LRBA: variants seen among roughly 807,000 people sequenced by gnomAD.
LRBA encodes the protein lipopolysaccharide-responsive and beige-like anchor protein.
Under a neutral mutation model 330.0 loss-of-function variants are expected in LRBA, and 176 were observed. The ratio of observed to expected loss-of-function variants is 0.53; its 90% CI spans 0.47 to 0.60. The LOEUF is 0.60. Among genes scored for constraint, LRBA ranks in the 20% least tolerant of loss-of-function variants. The pLI is 0.00. For synonymous variants in LRBA, 1,230 were observed against 1,193.0 expected (o/e 1.03, Z -0.64); for missense variants, 3,259 against 3,444.8 (o/e 0.95, Z 1.35).
rs551264655 is a variant in LRBA at position 150,954,055 on chromosome 4, C to T, written c.217-24990G>A. Among the ~76,000 whole-genome samples the T allele has an allele frequency of 2.4e-3, 355 of 149,674 alleles. 2 individuals are homozygous for T. The highest frequency in any genetic ancestry group is 4.1e-3 in the Non-Finnish European group (274 of 67,232). ...GAGCCTCTCCGCCCGGCAGCCACCC[C>T]GTCTGGGAAGTGAGAAGCCCCTCCA... On this transcript the variant is annotated intron_variant, in intron 2 of 56. Transcript: ENST00000651943.
rs571324183 is a variant in LRBA, at chr4:150,655,614, G to A, written c.5921+27937C>T. 8.9e-4 allele frequency among the ~76,000 whole-genome samples: 135 copies of A among 152,302 alleles called. 1 individual carries two copies. Among genetic ancestry groups the A allele is most frequent in the African/African-American group, 2.9e-3 (122 of 41,580 alleles). Reference sequence around the variant, plus strand: ...GCAATCCACTCAATGGGCATTGACTGAAAAACTGACACTTGGCAAACCAAA... The same window carrying A: ...GCAATCCACTCAATGGGCATTGACTAAAAAACTGACACTTGGCAAACCAAA... On this transcript the variant is annotated intron_variant, in intron 37 of 56. Coordinates refer to ENST00000651943, the MANE Select transcript of LRBA (RefSeq NM_001364905.1).
At chr4:150,950,325 T>A (rs1223502265) in intron 2 of LRBA, among the ~76,000 whole-genome samples, 1 of 152,174 alleles carries the variant, frequency 6.6e-6, no homozygotes, top group Non-Finnish European at 1.5e-5. Flanking sequence ...GTCATGAATT[T>A]CATATTCAAA....
intron 37 of LRBA, among the ~76,000 whole-genome samples, chr4:150,642,926 T>C (rs1778816337): frequency 6.6e-6 from 1 of 151,900 alleles, no homozygotes; most frequent in African/African-American, 2.4e-5. Context: ...AATGTTATAT[T>C]CGCATCATTA....
chr4:150,929,874 C>G (rs867705440), intron 2 of LRBA, among the ~76,000 whole-genome samples: 66 of 152,036 alleles, frequency 4.3e-4, no homozygotes, highest in Non-Finnish European at 2.4e-4. Context: ...ATAATGCTAT[C>G]AACTAGATTT....
At chr4:150,803,022 C>CAA (rs746026878) in intron 33 of LRBA, among the ~76,000 whole-genome samples, 14 of 34,770 alleles carry the variant, frequency 4.0e-4, no homozygotes, top group Non-Finnish European at 5.1e-4. Context: ...ACTCTGTCTC[C>CAA]AAAAAAAAAA....
chr4:150,785,790 A>G (rs185565681), intron 34 of LRBA, among the ~76,000 whole-genome samples: 27 of 152,366 alleles, frequency 1.8e-4, no homozygotes, highest in Non-Finnish European at 2.9e-4. Context: ...AACAGGAGGT[A>G]CGTTGAAAGT....
Position 150,661,280 on chromosome 4 carries a change from G to A in LRBA, c.5921+22271C>T, listed in dbSNP as rs143260478. 9.3e-3 allele frequency among the ~76,000 whole-genome samples: 1,415 copies of A among 151,352 alleles called. 11 individuals are homozygous for A. The highest frequency in any genetic ancestry group is 0.015 in the Non-Finnish European group (1,041 of 67,830). ...GAGGTCAGGAGTTCATGACCAGCCC[G>A]GGCAACATGGTAAGACCCCATCTCT... On this transcript the variant is annotated intron_variant, in intron 37 of 56. Transcript: ENST00000651943.
rs907741079 is a variant in LRBA at position 150,583,216 on chromosome 4, T to A, written c.6330+4832A>T. 1 of 1,614,214 alleles carries A rather than the reference T, an allele frequency of 6.2e-7. No homozygotes were observed. Among genetic ancestry groups the A allele is most frequent in the South Asian group, 1.1e-5 (1 of 91,086 alleles). ...CTCCTTGAGCGAGATCGATGCCCGCTACGAGGGGCTCGAGGTCATTTCGCC... is the reference window on the plus strand; with the variant it reads ...CTCCTTGAGCGAGATCGATGCCCGCAACGAGGGGCTCGAGGTCATTTCGCC... On this transcript the variant is annotated intron_variant, in intron 40 of 56. Transcript: ENST00000651943. This position sits in a 1 kb window ranked among gnomAD's most constrained non-coding sequence, Gnocchi z 9.8.
intron 40 of LRBA, among the ~76,000 whole-genome samples, chr4:150,553,363 T>A (rs1317001549): frequency 6.6e-6 from 1 of 151,922 alleles, no homozygotes; most frequent in Admixed American, 6.6e-5. Context: ...ATATACCTAA[T>A]GTAAATGACG....
At chr4:150,503,686 TCTC>T (rs970892511) in intron 40 of LRBA, among the ~76,000 whole-genome samples, 1 of 151,898 alleles carries the variant, frequency 6.6e-6, no homozygotes, top group Non-Finnish European at 1.5e-5. Flanking sequence ...TCAGAGCACC[TCTC>T]CTCCTCCATA....
rs115633380 is a variant in LRBA at position 150,417,895 on chromosome 4, T to C, written c.7042-2305A>G. ...ATCCTTCTAATATATAGTGTCAAAATATTATGATTTTGTATATTTGTCTGT... is the reference window on the plus strand; with the variant it reads ...ATCCTTCTAATATATAGTGTCAAAACATTATGATTTTGTATATTTGTCTGT... On this transcript the variant is annotated intron_variant, in intron 46 of 56. Transcript: ENST00000651943. Among the ~76,000 whole-genome samples, 645 of 152,272 alleles carry C rather than the reference T, an allele frequency of 4.2e-3. 3 individuals are homozygous for C. The highest frequency in any genetic ancestry group is 0.015 in the African/African-American group (615 of 41,558).
intron 36 of LRBA, among the ~76,000 whole-genome samples, chr4:150,711,088 GA>G (rs1324439637): frequency 1.3e-5 from 2 of 151,422 alleles, no homozygotes; most frequent in African/African-American, 2.4e-5. Flanking sequence ...GAACCCCAAT[GA>G]AAAAAAATTG....
chr4:150,786,018 A>C (rs1344947477), intron 34 of LRBA, among the ~76,000 whole-genome samples: 2 of 152,296 alleles, frequency 1.3e-5, no homozygotes, highest in East Asian at 3.9e-4. Context: ...ATCCTTGTCT[A>C]CATGGAAATG....
In LRBA at chr4:150,467,801, G is replaced by A; in HGVS notation, c.6668-16C>T. ...TAACTCCGTCCTGATAGGGAAAAAA[G>A]TTACTCGTAATTTATAATTTTAAAA... On this transcript the variant is annotated splice_polypyrimidine_tract_variant and intron_variant, in intron 43 of 56. Coordinates refer to ENST00000651943, the MANE Select transcript of LRBA (RefSeq NM_001364905.1). The A allele has an allele frequency of 8.8e-7, 1 of 1,141,934 alleles. No homozygotes were observed. The highest frequency in any genetic ancestry group is 1.3e-6 in the Non-Finnish European group (1 of 779,286). The allele number at this position is 1,141,934 out of a possible 1,614,324, so 70.7% of individuals were successfully genotyped here. A position where few individuals can be genotyped will look rare whatever the true frequency, so the allele number is the denominator to read the frequency against.
intron 37 of LRBA, among the ~76,000 whole-genome samples, chr4:150,661,641 C>T (rs890047996): frequency 5.3e-5 from 8 of 151,894 alleles, no homozygotes; most frequent in Admixed American, 3.3e-4. Flanking sequence ...GACTGAGTCT[C>T]ACTCTATCGC....
At chr4:150,349,853 A>C in intron 48 of LRBA, 139 bp downstream of exon 48, 2 of 672,996 alleles carry the variant, frequency 3.0e-6, no homozygotes, top group Non-Finnish European at 4.8e-6. Flanking sequence ...GTCACTGATA[A>C]ATTATTCTGC....
At chr4:150,306,248 C>G (rs1459137083) in intron 52 of LRBA, among the ~76,000 whole-genome samples, 1 of 152,046 alleles carries the variant, frequency 6.6e-6, no homozygotes, top group Non-Finnish European at 1.5e-5. Context: ...CATGTTTCTC[C>G]TCCCTCCTCC....
chr4:150,969,316 A>G (rs988267351), intron 2 of LRBA, among the ~76,000 whole-genome samples: 2 of 152,254 alleles, frequency 1.3e-5, no homozygotes, highest in African/African-American at 4.8e-5. Flanking sequence ...GAGCAAAGTA[A>G]ACAGAAAACC....
chr4:150,332,069 T>C (rs928475653), intron 48 of LRBA, among the ~76,000 whole-genome samples: 1 of 152,174 alleles, frequency 6.6e-6, no homozygotes, highest in African/African-American at 2.4e-5. Context: ...TGTGATATTA[T>C]TACAGCATAT....
Sources: allele counts gnomAD v4.1 joint callset (sites outside exome capture counted in the v4.1 genomes callset), GRCh38; gene constraint gnomAD v4.1.1; non-coding constraint Gnocchi (gnomAD v3.1); transcripts MANE v1.5; gene names NCBI Gene and HGNC (gene_info 2026-07-23, HGNC 2026-07-21).